Variants in FANCB observed in about 807,000 individuals in gnomAD.
The protein encoded by FANCB is Fanconi anemia group B protein.
Under a neutral mutation model 38.9 loss-of-function variants are expected in FANCB, and 5 were observed. The observed-to-expected ratio is 0.13, with a 90% CI of 0.07 to 0.27. The LOEUF is 0.27. FANCB is among the 10% of genes least tolerant of loss of function. The pLI is 1.00. For missense variants in FANCB, 573 were observed against 602.7 expected, an observed-to-expected ratio of 0.95 and a Z score of 0.52; for synonymous variants, 236 against 215.4, an observed-to-expected ratio of 1.10 and a Z score of -0.84.
chrX:14,860,096 T>C (rs1339901666), intron 3 of FANCB, among the ~76,000 whole-genome samples: 1 of 111,465 alleles, frequency 9.0e-6, no homozygotes, highest in African/African-American at 3.3e-5. Context: ...TACATATAGC[T>C]GAAAGCCTCA....
At chrX:14,793,230 A>C in the FANCB span, among the ~76,000 whole-genome samples, 1 of 112,600 alleles carries the variant, frequency 8.9e-6, no homozygotes, top group South Asian at 3.6e-4. Context: ...CCATAAAAAG[A>C]GATGAAGTAT....
At chrX:14,724,150 A>C in the FANCB span, among the ~76,000 whole-genome samples, 1 of 111,526 alleles carries the variant, frequency 9.0e-6, no homozygotes, top group Non-Finnish European at 1.9e-5. Context: ...ATGCATTCGT[A>C]TATGTATATG....
the FANCB span, among the ~76,000 whole-genome samples, chrX:14,734,930 T>G: frequency 9.3e-6 from 1 of 107,752 alleles, no homozygotes; most frequent in Non-Finnish European, 1.9e-5. Context: ...TTTTTTTTTT[T>G]TCATTCTTTT....
chrX:14,761,511 G>A, the FANCB span, among the ~76,000 whole-genome samples: 354 of 110,234 alleles, frequency 3.2e-3, 1 homozygote, highest in African/African-American at 0.011. Context: ...TTCATGATTG[G>A]GCATAGGATT....
At chrX:14,810,743 C>A in the FANCB span, among the ~76,000 whole-genome samples, 1 of 112,059 alleles carries the variant, frequency 8.9e-6, no homozygotes, top group African/African-American at 3.2e-5. Context: ...AAACACTCTA[C>A]AGGATATTAT....
chrX:14,823,177 G>A, the FANCB span, among the ~76,000 whole-genome samples: 2 of 99,657 alleles, frequency 2.0e-5, no homozygotes, highest in African/African-American at 7.6e-5. Flanking sequence ...CAGCCTTCCA[G>A]TTTCAAGCGA....
chrX:14,792,545 T>C, the FANCB span, among the ~76,000 whole-genome samples: 2 of 111,812 alleles, frequency 1.8e-5, no homozygotes, highest in African/African-American at 6.5e-5. Context: ...TATATTGTCT[T>C]ATTTTAAAAG....
chrX:14,784,735 T>C, the FANCB span, among the ~76,000 whole-genome samples: 1 of 112,218 alleles, frequency 8.9e-6, no homozygotes, highest in Admixed American at 9.5e-5. Context: ...TGCAGCACTA[T>C]TCACAATAGC....
rs201070097 is a variant in FANCB at position 14,843,918 on chromosome X, G to A, written c.2229C>T (p.Phe743=). 5.0e-6 allele frequency: 6 copies of A among 1,199,994 alleles called. No homozygotes were observed. In the African/African-American group the frequency reaches 7.0e-5, roughly 14 times the overall value. The change falls in exon 10 of 10, where the codon TTC becomes TTT. Residue 743 remains phenylalanine (F), a synonymous_variant. Transcript: ENST00000650831. ...CACTTCCTGATTTTAGATTTTTGAG[G>A]AAACAGTTTATAGGGAGAATTCTGA... ...NLIRILPINC[F]LKNLKSGSEN...
At chrX:14,863,439 A>T (rs995725719) in intron 3 of FANCB, among the ~76,000 whole-genome samples, 2 of 112,282 alleles carry the variant, frequency 1.8e-5, no homozygotes, top group African/African-American at 6.5e-5. Context: ...ATTCATAAAC[A>T]CTTCAAATCA....
At chrX:14,716,865 G>A in the FANCB span, among the ~76,000 whole-genome samples, 3 of 111,318 alleles carry the variant, frequency 2.7e-5, no homozygotes, top group Non-Finnish European at 5.7e-5. Context: ...CAGAATAGGA[G>A]AATCATGGAT....
chrX:14,722,868 T>C, the FANCB span, among the ~76,000 whole-genome samples: 4 of 112,496 alleles, frequency 3.6e-5, no homozygotes, highest in Non-Finnish European at 7.5e-5. Context: ...ATACTTATAA[T>C]TTCATTTTAT....
intron 7 of FANCB, among the ~76,000 whole-genome samples, chrX:14,848,729 G>A (rs948162034): frequency 9.0e-6 from 1 of 111,690 alleles, no homozygotes; most frequent in Non-Finnish European, 1.9e-5. Context: ...ATACAAAAAT[G>A]TACTGTACTT....
intron 4 of FANCB, among the ~76,000 whole-genome samples, chrX:14,858,319 CA>C (rs2092431866): frequency 9.1e-6 from 1 of 109,577 alleles, no homozygotes; most frequent in South Asian, 3.9e-4. Context: ...CGTTTGAACC[CA>C]GGGGGCGGAG....
chrX:14,752,936 C>CTTCCT, the FANCB span, among the ~76,000 whole-genome samples: 1 of 105,246 alleles, frequency 9.5e-6, no homozygotes, highest in Non-Finnish European at 1.9e-5. Flanking sequence ...CTCCTCCCTC[C>CTTCCT]TTCCTTCTTC....
rs1569093264 is a variant in FANCB at position 14,865,581 on chromosome X, C to G, written c.-70-1G>C. 1.1e-5 allele frequency: 10 copies of G among 876,612 alleles called. No homozygotes were observed. The highest frequency in any genetic ancestry group is 1.3e-5 in the Non-Finnish European group (8 of 609,920). The allele number at this position is 876,612 out of a possible 1,213,427, so 72.2% of individuals were successfully genotyped here. The stretch of plus-strand genomic sequence containing the variant: ...TTGATTCCAGTTGATGTTTCTAAAC[C>G]TAAAAAAGAAATGAGGAAAAACTGC... On this transcript the variant is annotated splice_acceptor_variant, in intron 2 of 9. Transcript: ENST00000650831. LOFTEE classifies it low-confidence loss of function (5UTR_SPLICE).
the FANCB span, among the ~76,000 whole-genome samples, chrX:14,818,388 AAAAG>A: frequency 9.2e-6 from 1 of 109,263 alleles, no homozygotes; most frequent in East Asian, 2.9e-4. Flanking sequence ...AAAAAAAAAA[AAAAG>A]AGAGAGACTC....
chrX:14,769,464 T>A, the FANCB span, among the ~76,000 whole-genome samples: 1 of 112,440 alleles, frequency 8.9e-6, no homozygotes, highest in South Asian at 3.7e-4. Flanking sequence ...TGTCATGTTC[T>A]CTGATTGTTA....
the FANCB span, among the ~76,000 whole-genome samples, chrX:14,721,242 G>A: frequency 9.0e-6 from 1 of 110,631 alleles, no homozygotes; most frequent in African/African-American, 3.3e-5. Flanking sequence ...GGAGGATTAC[G>A]TTTTAGAGAT....
Sources: gnomAD v4.1 joint callset for allele counts (sites outside exome capture counted in the v4.1 genomes callset) on GRCh38, gnomAD v4.1.1 for gene constraint, MANE v1.5 for transcripts, NCBI Gene and HGNC (gene_info 2026-07-23, HGNC 2026-07-21) for gene names.